ZNF280D: variants seen among roughly 807,000 people sequenced by gnomAD.
The protein encoded by ZNF280D is suppressor of hairy wing homolog 4.
A neutral mutation model predicts 94.7 loss-of-function variants in ZNF280D; 39 were observed. That is an observed-to-expected ratio of 0.41 (90% confidence interval 0.32 to 0.54). The LOEUF (loss-of-function observed/expected upper bound fraction) is 0.54, where lower values mean the gene tolerates loss of function less well. ZNF280D is among the 20% of genes least tolerant of loss of function. ZNF280D has a pLI of 0.22. For synonymous variants in ZNF280D, 398 were observed against 377.6 expected (o/e 1.05, Z -0.63); for missense variants, 1,090 against 1,149.3 (o/e 0.95, Z 0.75).
intron 9 of ZNF280D, among the ~76,000 whole-genome samples, chr15:56,688,020 CA>C (rs1421633213): frequency 6.6e-6 from 1 of 152,072 alleles, no homozygotes; most frequent in African/African-American, 2.4e-5. Context: ...ATATAATCTA[CA>C]CTGCCTTTTT....
At chr15:56,726,052 A>G (rs571826780) in intron 1 of ZNF280D, among the ~76,000 whole-genome samples, 4 of 151,936 alleles carry the variant, frequency 2.6e-5, no homozygotes, top group African/African-American at 9.7e-5. Context: ...GTTCCAATTA[A>G]TAATTTTTTA....
intron 13 of ZNF280D, among the ~76,000 whole-genome samples, chr15:56,670,534 T>C (rs978496312): frequency 1.4e-4 from 22 of 152,102 alleles, no homozygotes; most frequent in African/African-American, 5.3e-4. Context: ...TTCCTTTCTT[T>C]GGCTGCATAG....
intron 1 of ZNF280D, among the ~76,000 whole-genome samples, chr15:56,717,259 A>G (rs557491889): frequency 4.3e-4 from 66 of 152,274 alleles, no homozygotes; most frequent in African/African-American, 1.5e-3. Context: ...TGGGTGGCAA[A>G]AATAACAGAT....
chr15:56,725,251 T>C (rs1384895687), intron 1 of ZNF280D, among the ~76,000 whole-genome samples: 1 of 151,720 alleles, frequency 6.6e-6, no homozygotes, highest in Non-Finnish European at 1.5e-5. Context: ...GTTAATAATG[T>C]TAAAAAAAAA....
chr15:56,653,022 T>TA, intron 19 of ZNF280D: 1 of 957,706 alleles, frequency 1.0e-6, no homozygotes, highest in South Asian at 4.8e-5. Context: ...AATTAATTTT[T>TA]AAAAAATCAA....
chr15:56,722,706 G>A (rs1022710490), intron 1 of ZNF280D, among the ~76,000 whole-genome samples: 2 of 152,120 alleles, frequency 1.3e-5, no homozygotes, highest in African/African-American at 2.4e-5. Flanking sequence ...CATACCATTT[G>A]ACCCAGCCAT....
chr15:56,728,130 C>G (rs1269307031), intron 1 of ZNF280D, among the ~76,000 whole-genome samples: 1 of 151,972 alleles, frequency 6.6e-6, no homozygotes, highest in Non-Finnish European at 1.5e-5. Flanking sequence ...CTGAAGCGAT[C>G]CTCCCACCTC....
intron 7 of ZNF280D, among the ~76,000 whole-genome samples, chr15:56,691,952 A>G (rs1378856716): frequency 1.1e-4 from 17 of 152,176 alleles, no homozygotes; most frequent in African/African-American, 4.1e-4. Flanking sequence ...GTAACTTAAT[A>G]GAGACTACAA....
At chr15:56,669,277 T>C (rs2054512663) in intron 13 of ZNF280D, among the ~76,000 whole-genome samples, 1 of 152,078 alleles carries the variant, frequency 6.6e-6, no homozygotes, top group Non-Finnish European at 1.5e-5. Flanking sequence ...GAAAATGAGA[T>C]GTACTACGTT....
At chr15:56,687,751 C>T (rs149658187) in intron 9 of ZNF280D, among the ~76,000 whole-genome samples, 5 of 152,138 alleles carry the variant, frequency 3.3e-5, no homozygotes, top group African/African-American at 1.2e-4. Flanking sequence ...GAAAGTACTT[C>T]TACAGGATAA....
intron 1 of ZNF280D, among the ~76,000 whole-genome samples, chr15:56,721,843 T>C (rs1254917658): frequency 6.6e-6 from 1 of 152,232 alleles, no homozygotes; most frequent in Non-Finnish European, 1.5e-5. Context: ...AGTAGCACTT[T>C]CAACTTTCTT....
At chr15:56,685,987 T>A (rs1400892180) in intron 9 of ZNF280D, among the ~76,000 whole-genome samples, 1 of 151,820 alleles carries the variant, frequency 6.6e-6, no homozygotes, top group Admixed American at 6.6e-5. Context: ...GAGTTGAAAA[T>A]AAAAGACTAA....
intron 21 of ZNF280D, among the ~76,000 whole-genome samples, chr15:56,632,955 G>T (rs1831599069): frequency 6.6e-6 from 1 of 151,786 alleles, no homozygotes; most frequent in African/African-American, 2.4e-5. Flanking sequence ...ATCTAAGTGT[G>T]TGTGCATGTT....
At chr15:56,636,485 ATTTTT>A (rs71113011) in intron 20 of ZNF280D, among the ~76,000 whole-genome samples, 2 of 130,224 alleles carry the variant, frequency 1.5e-5, no homozygotes, top group Non-Finnish European at 3.2e-5. Flanking sequence ...CTTCCTTCCT[ATTTTT>A]TTTTTTTTTT....
intron 19 of ZNF280D, among the ~76,000 whole-genome samples, chr15:56,652,197 G>A (rs1003041416): frequency 1.6e-4 from 25 of 152,014 alleles, no homozygotes; most frequent in African/African-American, 5.1e-4. Flanking sequence ...CAAGAAACAC[G>A]TCATATAATA....
intron 13 of ZNF280D, among the ~76,000 whole-genome samples, chr15:56,669,459 T>C (rs1169678154): frequency 1.3e-5 from 2 of 151,896 alleles, no homozygotes; most frequent in Non-Finnish European, 2.9e-5. Flanking sequence ...ATATCTCCTA[T>C]GATAATGAAA....
intron 13 of ZNF280D, among the ~76,000 whole-genome samples, chr15:56,670,302 C>A (rs868152740): frequency 6.6e-6 from 1 of 150,822 alleles, no homozygotes; most frequent in African/African-American, 2.4e-5. Flanking sequence ...TATTTCATCA[C>A]CCAGGCATTC....
At position 56,677,568 on chromosome 15, in the gene ZNF280D, G is replaced by A; in HGVS notation, c.1263+6C>T. On this transcript the variant is annotated splice_donor_region_variant and intron_variant, in intron 12 of 21. Transcript: ENST00000267807. ...CACTTAAAAAAACAATAAAATGTAT[G>A]TGTACCTGGCAGACATATGGCATTT... is the stretch of plus-strand genomic sequence containing the variant. The A allele has an allele frequency of 6.3e-7, 1 of 1,577,638 alleles. No homozygotes were observed. The highest frequency in any genetic ancestry group is 2.2e-5 in the East Asian group (1 of 44,456).
chr15:56,671,480 G>T lies in ZNF280D; in HGVS notation c.1411-2523C>A, dbSNP rs2054859620. ...TTGTCAGGTTTGTCGAAGATCAGATGGTTGTAGGTGTGCGGTTTTATTTCT... is the reference window on the plus strand; with the variant it reads ...TTGTCAGGTTTGTCGAAGATCAGATTGTTGTAGGTGTGCGGTTTTATTTCT... On this transcript the variant is annotated intron_variant, in intron 13 of 21. Coordinates refer to ENST00000267807, the MANE Select transcript of ZNF280D (RefSeq NM_017661.4). 3.3e-5 allele frequency among the ~76,000 whole-genome samples: 5 copies of T among 151,982 alleles called. No homozygotes were observed. In the South Asian group the frequency reaches 1.0e-3, roughly 32 times the overall value.
Sources: allele counts gnomAD v4.1 joint callset (sites outside exome capture counted in the v4.1 genomes callset), GRCh38; gene constraint gnomAD v4.1.1; transcripts MANE v1.5; gene names NCBI Gene and HGNC (gene_info 2026-07-23, HGNC 2026-07-21).